Variants in EVI5 observed in about 807,000 individuals in gnomAD.
EVI5 encodes ecotropic viral integration site 5 protein homolog.
EVI5 carries 73 observed loss-of-function variants against 112.0 expected under a neutral mutation model. The observed-to-expected ratio is 0.65, with a 90% CI of 0.54 to 0.79. The LOEUF (loss-of-function observed/expected upper bound fraction) is 0.79. Among genes scored for constraint, EVI5 ranks in the 30% least tolerant of loss-of-function variants. The pLI, the probability that EVI5 is intolerant of heterozygous loss-of-function variation, is 0.00. For missense variants in EVI5, 900 were observed against 968.8 expected (o/e 0.93, Z 0.94); for synonymous variants, 305 against 319.9 (o/e 0.95, Z 0.50).
chr1:92,758,347 T>C (rs1007488940), intron 1 of EVI5, among the ~76,000 whole-genome samples: 2 of 152,026 alleles, frequency 1.3e-5, no homozygotes, highest in African/African-American at 4.8e-5. Context: ...AGCAGGTGGA[T>C]TGCTCGAGCC....
At chr1:92,620,910 T>C (rs1654414028) in intron 16 of EVI5, among the ~76,000 whole-genome samples, 1 of 152,138 alleles carries the variant, frequency 6.6e-6, no homozygotes, top group Non-Finnish European at 1.5e-5. Context: ...TTGGACAATA[T>C]GTAAAATGTA....
At chr1:92,717,564 C>G (rs1167524749) in intron 2 of EVI5, among the ~76,000 whole-genome samples, 1 of 152,180 alleles carries the variant, frequency 6.6e-6, no homozygotes, top group African/African-American at 2.4e-5. Flanking sequence ...TGGAAAGGAA[C>G]AACCGTTACC....
chr1:92,744,598 TCTCACACACACA>T (rs1332337692), intron 1 of EVI5, among the ~76,000 whole-genome samples: 115 of 58,560 alleles, frequency 2.0e-3, no homozygotes, highest in African/African-American at 6.6e-3. Context: ...TCTCTCTCTC[TCTCACACACACA>T]CACACACACA....
chr1:92,536,439 T>C (rs1227408878), intron 19 of EVI5, among the ~76,000 whole-genome samples: 2 of 152,152 alleles, frequency 1.3e-5, no homozygotes, highest in East Asian at 3.8e-4. Context: ...TACTGTATGA[T>C]AGTAAAAATT....
Position 92,618,752 on chromosome 1 carries a change from C to T in EVI5, c.1827+5424G>A, listed in dbSNP as rs187372914. On this transcript the variant is annotated intron_variant, in intron 16 of 19. Transcript: ENST00000684568. ...TAGTCATTAATACCAGATACCACTA[C>T]GTGACCAGCTGCAGAAACAAGGACT... Among the ~76,000 whole-genome samples the T allele has an allele frequency of 1.9e-3, 297 of 152,322 alleles. 1 individual carries two copies. The highest frequency in any genetic ancestry group is 6.9e-3 in the African/African-American group (288 of 41,580).
At chr1:92,616,435 A>G (rs1192170130) in intron 16 of EVI5, among the ~76,000 whole-genome samples, 2 of 152,160 alleles carry the variant, frequency 1.3e-5, no homozygotes, top group Non-Finnish European at 2.9e-5. Context: ...AGGCATAGCT[A>G]CTGTCATGAA....
intron 14 of EVI5, 34 bp from the exon 15 acceptor site, chr1:92,625,968 A>G (rs200167597): frequency 1.4e-6 from 2 of 1,419,112 alleles, no homozygotes; most frequent in Non-Finnish European, 9.9e-7. Flanking sequence ...TGGGATTTTT[A>G]AATTTAAGGA....
chr1:92,638,486 G>A (rs1294959321), intron 13 of EVI5, among the ~76,000 whole-genome samples: 6 of 152,266 alleles, frequency 3.9e-5, no homozygotes, highest in Non-Finnish European at 1.5e-5. Context: ...ATTACACAGT[G>A]TCTAAGGAAA....
chr1:92,758,254 C>T (rs1304435158), intron 1 of EVI5, among the ~76,000 whole-genome samples: 1 of 152,110 alleles, frequency 6.6e-6, no homozygotes, highest in Non-Finnish European at 1.5e-5. Context: ...ATCATGTAAG[C>T]CTTTTGTGAT....
chr1:92,522,517 T>C (rs1265372616), intron 19 of EVI5, among the ~76,000 whole-genome samples: 1 of 148,976 alleles, frequency 6.7e-6, no homozygotes, highest in Non-Finnish European at 1.5e-5. Flanking sequence ...GCACCTGTAA[T>C]CCCAGCTACG....
chr1:92,539,745 G>T (rs1210137272), intron 19 of EVI5, among the ~76,000 whole-genome samples: 2 of 152,074 alleles, frequency 1.3e-5, no homozygotes, highest in African/African-American at 4.8e-5. Flanking sequence ...CATTTAGAGT[G>T]TACAATTTGA....
At chr1:92,784,417 G>C (rs1685318475) in intron 1 of EVI5, 1 of 985,200 alleles carries the variant, frequency 1.0e-6, no homozygotes, top group Non-Finnish European at 1.2e-6. Flanking sequence ...AAGTAAAGAC[G>C]CCAACTTTGC....
At chr1:92,563,435 T>C (rs1668939681) in intron 19 of EVI5, among the ~76,000 whole-genome samples, 1 of 152,224 alleles carries the variant, frequency 6.6e-6, no homozygotes, top group South Asian at 2.1e-4. Flanking sequence ...TAGGTCATGC[T>C]AATGAGGTTA....
At chr1:92,554,888 G>A (rs779823244) in intron 19 of EVI5, among the ~76,000 whole-genome samples, 7 of 152,276 alleles carry the variant, frequency 4.6e-5, no homozygotes, top group South Asian at 2.1e-4. Flanking sequence ...GGCTGAGGTC[G>A]GAGGATCACT....
At chr1:92,621,380 C>T (rs1172819322) in intron 16 of EVI5, among the ~76,000 whole-genome samples, 4 of 152,250 alleles carry the variant, frequency 2.6e-5, no homozygotes, top group African/African-American at 9.6e-5. Flanking sequence ...GTGATCTTGG[C>T]TCACTGCTGC....
chr1:92,728,400 A>G (rs1172240396), intron 2 of EVI5, among the ~76,000 whole-genome samples: 2 of 110,554 alleles, frequency 1.8e-5, no homozygotes, highest in Admixed American at 9.7e-5. Context: ...TTTTTTTTGG[A>G]GACAAAGTCT....
chr1:92,519,605 T>G (rs1660525287), intron 19 of EVI5, among the ~76,000 whole-genome samples: 2 of 152,020 alleles, frequency 1.3e-5, no homozygotes, highest in Admixed American at 1.3e-4. Context: ...TCAAAAATAT[T>G]AAGTTGGCCG....
Position 92,510,498 on chromosome 1 carries a change from T to C in EVI5, c.*3158A>G, listed in dbSNP as rs1396961979. On this transcript the variant is annotated 3_prime_UTR_variant, in exon 20 of 20. Coordinates refer to ENST00000684568, the MANE Select transcript of EVI5 (RefSeq NM_001350197.2). ...CATGAAATTTTACGTTTCCAAATCATAAGCTTAATAGCAAAAGCAAACAAT... is the reference window on the plus strand; with the variant it reads ...CATGAAATTTTACGTTTCCAAATCACAAGCTTAATAGCAAAAGCAAACAAT... The C allele has an allele frequency of 1.3e-5, 2 of 152,246 alleles. No individual in the cohort carries two copies. The highest frequency in any genetic ancestry group is 2.9e-5 in the Non-Finnish European group (2 of 68,036). 9.4% of individuals were successfully genotyped at this position (152,246 alleles called of 1,614,324 possible).
intron 19 of EVI5, among the ~76,000 whole-genome samples, chr1:92,550,900 G>T (rs1376386081): frequency 7.6e-6 from 1 of 131,820 alleles, no homozygotes; most frequent in East Asian, 2.2e-4. Flanking sequence ...TATTCAGGAA[G>T]AATATAATTA....
Sources: allele counts gnomAD v4.1 joint callset (sites outside exome capture counted in the v4.1 genomes callset), GRCh38; gene constraint gnomAD v4.1.1; transcripts MANE v1.5; gene names NCBI Gene and HGNC (gene_info 2026-07-23, HGNC 2026-07-21).